Variants in LIMCH1 observed in about 807,000 individuals in gnomAD.
LIMCH1 encodes the protein LIM and calponin homology domains-containing protein 1.
In LIMCH1, 113 loss-of-function variants were observed where a neutral mutation model predicts 176.5. The ratio of observed to expected loss-of-function variants is 0.64; its 90% CI spans 0.55 to 0.75. The LOEUF (loss-of-function observed/expected upper bound fraction) is 0.75. Ranked by LOEUF, LIMCH1 falls within the 30% of genes least tolerant of loss-of-function variation. LIMCH1 has a pLI of 0.00. For missense variants in LIMCH1, 1,674 were observed against 1,814.9 expected (o/e 0.92, Z 1.41); for synonymous variants, 619 against 645.9 (o/e 0.96, Z 0.63).
chr4:41,612,457 C>T (rs1384767115), intron 4 of LIMCH1: 1 of 687,666 alleles, frequency 1.5e-6, no homozygotes, highest in East Asian at 2.7e-5. Flanking sequence ...GTGTTATCCA[C>T]AGTCCTAATT....
chr4:41,662,795 C>A (rs768193081), intron 19 of LIMCH1, 26 bp from the exon 20 acceptor site: 3 of 1,548,270 alleles, frequency 1.9e-6, no homozygotes, highest in Non-Finnish European at 2.6e-6. Flanking sequence ...TCCTTCTGTA[C>A]GTTTCTGGAT....
Position 41,375,143 on chromosome 4 carries a change from CA to C in LIMCH1, c.96+14209del, listed in dbSNP as rs764254870. 1.1e-3 allele frequency among the ~76,000 whole-genome samples: 163 copies of C among 151,996 alleles called. 2 individuals are homozygous for C. The highest frequency in any genetic ancestry group is 1.8e-3 in the Non-Finnish European group (122 of 67,998). On this transcript the variant is annotated intron_variant, in intron 1 of 26. Transcript: ENST00000313860. ...ATTTTATTAAAAATGTGGTAATATACAAGAACACACAGATGATAAGGGAAGG... is the reference window on the plus strand; with the variant it reads ...ATTTTATTAAAAATGTGGTAATATACAGAACACACAGATGATAAGGGAAGG...
At chr4:41,580,140 G>A (rs2085170988) in intron 1 of LIMCH1, among the ~76,000 whole-genome samples, 1 of 152,190 alleles carries the variant, frequency 6.6e-6, no homozygotes, top group South Asian at 2.1e-4. Flanking sequence ...ACCACATCAT[G>A]TGAGGTGTCC....
chr4:41,583,992 A>G (rs961697004), intron 1 of LIMCH1, among the ~76,000 whole-genome samples: 2 of 151,810 alleles, frequency 1.3e-5, no homozygotes, highest in Non-Finnish European at 2.9e-5. Flanking sequence ...AGAGGTTGTG[A>G]TCTGTAAATA....
At chr4:41,374,168 A>G (rs979267701) in intron 1 of LIMCH1, among the ~76,000 whole-genome samples, 1 of 152,066 alleles carries the variant, frequency 6.6e-6, no homozygotes, top group African/African-American at 2.4e-5. Flanking sequence ...GGTGTCTGTG[A>G]GGGATATTGA....
intron 18 of LIMCH1, among the ~76,000 whole-genome samples, chr4:41,651,742 C>T (rs925885972): frequency 1.3e-5 from 2 of 152,112 alleles, no homozygotes; most frequent in Non-Finnish European, 2.9e-5. Flanking sequence ...CATTTAAAAG[C>T]TGAAAGTAAT....
intron 1 of LIMCH1, among the ~76,000 whole-genome samples, chr4:41,546,149 G>GT (rs1183524814): frequency 5.3e-5 from 8 of 151,628 alleles, no homozygotes; most frequent in African/African-American, 9.7e-5. Context: ...TGTTTTTTTT[G>GT]TTTTTTTGAG....
At position 41,629,717 on chromosome 4, in the gene LIMCH1, AG is replaced by A; in HGVS notation, c.1255del (p.Val419CysfsTer56). On this transcript the variant is annotated frameshift_variant, in exon 9 of 32. Transcript: ENST00000503057. LOFTEE classifies it high-confidence loss of function. ...ADLETWERLKVSEKARDGDVQ... is the reference protein window; with the variant it reads ...ADLETWERLKXSEKARDGDVQ... ...ACTTGGAGACGTGGGAGAGACTCAA[AG>A]TGTCAGAAAAGGCGAGGTGTGTCAT... 1 of 1,535,888 alleles carries A rather than the reference AG, an allele frequency of 6.5e-7. No homozygotes were observed. The highest frequency in any genetic ancestry group is 1.4e-5 in the African/African-American group (1 of 73,112).
In LIMCH1 at chr4:41,639,034, C is replaced by G. The variant is rs917797242; in HGVS notation, c.2126+67C>G. On this transcript the variant is annotated intron_variant, in intron 14 of 31. Coordinates refer to ENST00000503057, the MANE Select transcript of LIMCH1 (RefSeq NM_001330672.2). ...CTAAACTGCATGCTTCCAGTACTTACCACTAATTGAAATGCAACTGATGCA... is the reference window on the plus strand; with the variant it reads ...CTAAACTGCATGCTTCCAGTACTTAGCACTAATTGAAATGCAACTGATGCA... The G allele has an allele frequency of 1.7e-5, 20 of 1,192,748 alleles. No individual in the cohort carries two copies. In the East Asian group the frequency reaches 5.2e-4, roughly 31 times the overall value. 73.9% of individuals were successfully genotyped at this position (1,192,748 alleles called of 1,614,324 possible). A position where few individuals can be genotyped will look rare whatever the true frequency, so the allele number is the denominator to read the frequency against.
chr4:41,533,320 GTCCCAC>G (rs2077523821), upstream of LIMCH1, among the ~76,000 whole-genome samples: 1 of 152,156 alleles, frequency 6.6e-6, no homozygotes, highest in African/African-American at 2.4e-5. Context: ...AGGGGAGGAG[GTCCCAC>G]AAGGGTCTGA....
chr4:41,393,157 A>G (rs999494473), intron 1 of LIMCH1, among the ~76,000 whole-genome samples: 5 of 152,244 alleles, frequency 3.3e-5, no homozygotes, highest in Non-Finnish European at 7.3e-5. Context: ...ATGACTACAG[A>G]GCCCATTCAT....
chr4:41,638,807 C>T (rs2093699463), intron 13 of LIMCH1, 125 bp from the exon 14 acceptor site: 3 of 781,344 alleles, frequency 3.8e-6, no homozygotes, highest in Non-Finnish European at 6.8e-6. Context: ...TGCCATTTCT[C>T]TTTCAGTATC....
At chr4:41,419,653 C>CTGCCCTT (rs2060372154) in intron 1 of LIMCH1, among the ~76,000 whole-genome samples, 1 of 56,704 alleles carries the variant, frequency 1.8e-5, no homozygotes, top group African/African-American at 9.3e-5. Context: ...TTTCTTCCTC[C>CTGCCCTT]TTCCTTCCTT....
intron 1 of LIMCH1, among the ~76,000 whole-genome samples, chr4:41,570,377 C>G (rs1443473728): frequency 6.6e-6 from 1 of 152,198 alleles, no homozygotes. Flanking sequence ...GCTGTAGGGA[C>G]TCTCTGGTTT....
At chr4:41,457,651 A>T (rs765534838) in intron 1 of LIMCH1, among the ~76,000 whole-genome samples, 21 of 152,184 alleles carry the variant, frequency 1.4e-4, no homozygotes, top group Non-Finnish European at 2.8e-4. Context: ...GGCAGTGTGC[A>T]GTTTGGCTCT....
chr4:41,551,506 T>C (rs952095894), intron 1 of LIMCH1: 7 of 152,194 alleles, frequency 4.6e-5, no homozygotes, highest in African/African-American at 1.7e-4. Context: ...ATTGCTGGCA[T>C]TGGGCACTCC....
At chr4:41,359,865 A>T (rs926320478), upstream of LIMCH1, 3 of 151,986 alleles carry the variant, frequency 2.0e-5, no homozygotes, top group African/African-American at 7.2e-5. Context: ...TTTTCTTTCC[A>T]TGTCATTATC....
chr4:41,469,665 GATTTATTTATTT>G (rs71198659), intron 1 of LIMCH1, among the ~76,000 whole-genome samples: 4 of 148,248 alleles, frequency 2.7e-5, no homozygotes, highest in South Asian at 2.2e-4. Context: ...CTTGTTTTGA[GATTTATTTATTT>G]ATTTATTTAT....
intron 1 of LIMCH1, among the ~76,000 whole-genome samples, chr4:41,426,425 T>G (rs2061111502): frequency 6.6e-6 from 1 of 152,262 alleles, no homozygotes; most frequent in Non-Finnish European, 1.5e-5. Context: ...AATAGATGTT[T>G]GTAACAGTAT....
Sources: allele counts gnomAD v4.1 joint callset (sites outside exome capture counted in the v4.1 genomes callset), GRCh38; gene constraint gnomAD v4.1.1; transcripts MANE v1.5; gene names NCBI Gene and HGNC (gene_info 2026-07-23, HGNC 2026-07-21).